The following MTMR7 variants were observed in gnomAD, a reference collection of about 807,000 sequenced individuals.
MTMR7 encodes the protein myotubularin related protein 7.
A neutral mutation model predicts 81.2 loss-of-function variants in MTMR7; 76 were observed. The observed-to-expected ratio is 0.94, with a 90% CI of 0.78 to 1.13. The LOEUF is 1.13. Ranked by LOEUF, MTMR7 falls within the 50% of genes most tolerant of loss-of-function variation. MTMR7 has a pLI of 0.00. For synonymous variants in MTMR7, 372 were observed against 289.8 expected, an observed-to-expected ratio of 1.28 and a Z score of -2.88; for missense variants, 1,044 against 820.0, an observed-to-expected ratio of 1.27 and a Z score of -3.34.
intron 1 of MTMR7, among the ~76,000 whole-genome samples, chr8:17,393,371 A>G (rs533206741): frequency 6.6e-6 from 1 of 152,206 alleles, no homozygotes; most frequent in Non-Finnish European, 1.5e-5. Flanking sequence ...AACCAAAGGA[A>G]AATAGATAAA....
intron 3 of MTMR7, among the ~76,000 whole-genome samples, chr8:17,362,281 T>G (rs1026949563): frequency 6.6e-6 from 1 of 152,250 alleles, no homozygotes; most frequent in African/African-American, 2.4e-5. Context: ...CTTTGAAATT[T>G]CACATGTATT....
intron 2 of MTMR7, among the ~76,000 whole-genome samples, chr8:17,371,851 G>GTTTTTT (rs33920646): frequency 2.9e-5 from 3 of 104,824 alleles, no homozygotes; most frequent in Non-Finnish European, 3.9e-5. Flanking sequence ...CTTACCTATA[G>GTTTTTT]TTTTTTTTTT....
chr8:17,384,488 C>G (rs1288942413), intron 1 of MTMR7, among the ~76,000 whole-genome samples: 1 of 152,122 alleles, frequency 6.6e-6, no homozygotes, highest in East Asian at 1.9e-4. Context: ...TTGCTCCCAC[C>G]TCATGTCCAC....
chr8:17,332,277 A>T (rs987032979), intron 6 of MTMR7, among the ~76,000 whole-genome samples: 1 of 152,232 alleles, frequency 6.6e-6, no homozygotes, highest in African/African-American at 2.4e-5. Context: ...TTAAAAGCTA[A>T]AAGAGCTAAG....
In MTMR7 at chr8:17,388,630, A is replaced by T. The variant is rs183412909; in HGVS notation, c.25-15390T>A. On this transcript the variant is annotated intron_variant, in intron 1 of 13. Transcript: ENST00000180173. ...AAAGGCACTAACAGCAAAGGACGAAACCATCTACTTATATAGCTCTTTGGG... is the reference window on the plus strand; with the variant it reads ...AAAGGCACTAACAGCAAAGGACGAATCCATCTACTTATATAGCTCTTTGGG... Among the ~76,000 whole-genome samples, 13 of 152,354 alleles carry T rather than the reference A, an allele frequency of 8.5e-5. No individual in the cohort carries two copies. In the East Asian group the frequency reaches 2.5e-3, roughly 29 times the overall value.
At chr8:17,339,491 G>T (rs1048226680) in intron 6 of MTMR7, among the ~76,000 whole-genome samples, 2 of 152,148 alleles carry the variant, frequency 1.3e-5, no homozygotes, top group African/African-American at 4.8e-5. Context: ...GAAATTGCCT[G>T]TTGAAAGCAT....
At chr8:17,402,498 C>T (rs192882617) in intron 1 of MTMR7, among the ~76,000 whole-genome samples, 31 of 152,206 alleles carry the variant, frequency 2.0e-4, no homozygotes, top group African/African-American at 4.3e-4. Context: ...CACAAATAAG[C>T]GAGAATATGT....
At chr8:17,306,721 A>T (rs1299153450) in intron 10 of MTMR7, among the ~76,000 whole-genome samples, 1 of 152,196 alleles carries the variant, frequency 6.6e-6, no homozygotes, top group East Asian at 1.9e-4. Flanking sequence ...ATGAGCAATG[A>T]TCAGTTTTAG....
chr8:17,299,690 CTT>C lies in MTMR7; in HGVS notation c.*170_*171del, dbSNP rs1816973144. Reference sequence around the variant, plus strand: ...TTGATAAATGAAATGACTACGTCCTCTTCAGTATCTAAGAAATCAAGAACTGG... The same window carrying C: ...TTGATAAATGAAATGACTACGTCCTCCAGTATCTAAGAAATCAAGAACTGG... On this transcript the variant is annotated 3_prime_UTR_variant, in exon 14 of 14. Coordinates refer to ENST00000180173, the MANE Select transcript of MTMR7 (RefSeq NM_004686.5). 5.0e-6 allele frequency: 4 copies of C among 799,960 alleles called. No individual in the cohort carries two copies. Among genetic ancestry groups the C allele is most frequent in the Non-Finnish European group, 7.8e-6 (4 of 513,056 alleles). The allele number at this position is 799,960 out of a possible 1,614,324, so 49.6% of individuals were successfully genotyped here. A position where few individuals can be genotyped will look rare whatever the true frequency, so the allele number is the denominator to read the frequency against.
intron 1 of MTMR7, among the ~76,000 whole-genome samples, chr8:17,406,064 T>C (rs1407594953): frequency 6.6e-6 from 1 of 152,170 alleles, no homozygotes; most frequent in African/African-American, 2.4e-5. Context: ...TTCTGTAATG[T>C]ATGACTTTTA....
intron 6 of MTMR7, among the ~76,000 whole-genome samples, chr8:17,336,530 C>A (rs1209798727): frequency 6.6e-6 from 1 of 152,088 alleles, no homozygotes; most frequent in Admixed American, 6.5e-5. Context: ...GTGACCCCTC[C>A]CAGGACTCAG....
intron 1 of MTMR7, among the ~76,000 whole-genome samples, chr8:17,378,955 AGAGT>A (rs1049412841): frequency 3.3e-5 from 5 of 152,190 alleles, no homozygotes; most frequent in African/African-American, 1.2e-4. Flanking sequence ...GCGAGCAGGC[AGAGT>A]GAGAAGAGAT....
intron 12 of MTMR7, among the ~76,000 whole-genome samples, chr8:17,303,180 T>C (rs548665918): frequency 1.3e-5 from 2 of 152,282 alleles, no homozygotes; most frequent in East Asian, 1.9e-4. Flanking sequence ...AGAACAGTGT[T>C]TGATCCTCAA....
chr8:17,302,233 C>T lies in MTMR7; in HGVS notation c.1541G>A (p.Arg514Gln), dbSNP rs773706780. The change falls in exon 13 of 14, where the codon CGA becomes CAA. Residue 514 changes from arginine (R) to glutamine (Q), a missense_variant. By Grantham distance (43) the Arg-to-Gln change is conservative. Coordinates refer to ENST00000180173, the MANE Select transcript of MTMR7 (RefSeq NM_004686.5). ...YNRFEKGMQP[R>Q]QSVTDYLMAV... is the part of the protein sequence containing the mutation. ...CATTAGGTAATCTGTAACTGACTGT[C>T]GGGGCTGCATCCCCTTTTCAAAGCG... The T allele has an allele frequency of 1.5e-5, 24 of 1,613,946 alleles. No homozygotes were observed. Among genetic ancestry groups the T allele is most frequent in the South Asian group, 8.8e-5 (8 of 91,074 alleles).
chr8:17,381,144 G>C (rs7460082), intron 1 of MTMR7, among the ~76,000 whole-genome samples: 1 of 151,992 alleles, frequency 6.6e-6, no homozygotes, highest in Non-Finnish European at 1.5e-5. Context: ...CAATGGAAAA[G>C]ACTATGCCCC....
At chr8:17,407,582 G>C (rs1181575151) in intron 1 of MTMR7, among the ~76,000 whole-genome samples, 1 of 149,532 alleles carries the variant, frequency 6.7e-6, no homozygotes, top group Non-Finnish European at 1.5e-5. Flanking sequence ...TAAATATAAT[G>C]ACATTTCCAT....
intron 7 of MTMR7, among the ~76,000 whole-genome samples, chr8:17,328,767 G>C (rs1818831729): frequency 6.6e-6 from 1 of 152,088 alleles, no homozygotes; most frequent in African/African-American, 2.4e-5. Context: ...TGAGGGAAAA[G>C]CCAGTATCTA....
intron 1 of MTMR7, among the ~76,000 whole-genome samples, chr8:17,411,995 A>G (rs1225409918): frequency 6.6e-6 from 1 of 152,220 alleles, no homozygotes; most frequent in Non-Finnish European, 1.5e-5. Flanking sequence ...ATTATTTAGT[A>G]CCACTTAAAC....
intron 1 of MTMR7, among the ~76,000 whole-genome samples, chr8:17,384,610 CT>C (rs1368272135): frequency 6.6e-6 from 1 of 152,154 alleles, no homozygotes; most frequent in African/African-American, 2.4e-5. Flanking sequence ...AAAACTGAAG[CT>C]ATAGCAAATT....
Sources: allele counts gnomAD v4.1 joint callset (sites outside exome capture counted in the v4.1 genomes callset), GRCh38; gene constraint gnomAD v4.1.1; transcripts MANE v1.5; gene names NCBI Gene and HGNC (gene_info 2026-07-23, HGNC 2026-07-21).